Variants in RPRD1A observed in about 807,000 individuals in gnomAD.
RPRD1A encodes the protein regulation of nuclear pre-mRNA domain containing 1A.
A neutral mutation model predicts 37.8 loss-of-function variants in RPRD1A; 9 were observed. That is an observed-to-expected ratio of 0.24 (90% CI 0.14 to 0.42). The LOEUF is 0.42. Ranked by LOEUF, RPRD1A falls within the 10% of genes least tolerant of loss-of-function variation. The probability of loss-of-function intolerance (pLI) is 1.00; values close to 1 mark genes in which losing one functional copy is unlikely to be tolerated. For synonymous variants in RPRD1A, 138 were observed against 139.7 expected (o/e 0.99, Z 0.08); for missense variants, 255 against 371.0 (o/e 0.69, Z 2.57).
At chr18:36,034,279 T>C (rs945409787) in intron 1 of RPRD1A, among the ~76,000 whole-genome samples, 2 of 152,206 alleles carry the variant, frequency 1.3e-5, no homozygotes, top group African/African-American at 4.8e-5. Flanking sequence ...TTCAATCAAT[T>C]ACTATTTTTT....
chr18:36,022,264 C>G (rs1184036641), intron 6 of RPRD1A, among the ~76,000 whole-genome samples: 1 of 152,178 alleles, frequency 6.6e-6, no homozygotes. Context: ...CTTCGAAGTG[C>G]AGAGTGAAGC....
Position 36,033,720 on chromosome 18 carries a change from T to G in RPRD1A, c.269A>C (p.Lys90Thr). The change falls in exon 2 of 7, where the codon AAG becomes ACG. Residue 90 changes from lysine to threonine, a missense_variant. This residue lies in a region of RPRD1A where 211 missense variants were observed against 268.9 expected (regional missense o/e 0.78). Coordinates refer to ENST00000399022, the MANE Select transcript of RPRD1A (RefSeq NM_018170.5). ...DFAPVIVEAFKHVSSETDESC... is the reference protein window; with the variant it reads ...DFAPVIVEAFTHVSSETDESC... ...ACTATGATCATACCTTGAAACATGC[T>G]TAAAAGCCTCCACTATAACTGGTGC... The G allele has an allele frequency of 6.2e-7, 1 of 1,611,600 alleles. No individual in the cohort carries two copies. The highest frequency in any genetic ancestry group is 1.1e-5 in the South Asian group (1 of 90,710).
intron 1 of RPRD1A, among the ~76,000 whole-genome samples, chr18:36,046,067 AT>A (rs1473638368): frequency 5.3e-5 from 8 of 152,224 alleles, no homozygotes; most frequent in Non-Finnish European, 8.8e-5. Flanking sequence ...TTATGATTAT[AT>A]TAAAATTTTA....
chr18:36,043,580 C>T (rs1912750004), intron 1 of RPRD1A, among the ~76,000 whole-genome samples: 2 of 152,142 alleles, frequency 1.3e-5, no homozygotes, highest in African/African-American at 4.8e-5. Context: ...GACCATTAGA[C>T]CACCATAAAA....
intron 6 of RPRD1A, among the ~76,000 whole-genome samples, chr18:36,015,337 C>A (rs1429230773): frequency 6.6e-6 from 1 of 151,842 alleles, no homozygotes; most frequent in Non-Finnish European, 1.5e-5. Context: ...CTCAGCCTCT[C>A]AAATAGCTGG....
chr18:36,008,986 T>G (rs1047894301), intron 6 of RPRD1A, among the ~76,000 whole-genome samples: 1 of 152,112 alleles, frequency 6.6e-6, no homozygotes, highest in Admixed American at 6.5e-5. Context: ...GGACACTAAC[T>G]GGGTATGGGA....
intron 1 of RPRD1A, among the ~76,000 whole-genome samples, chr18:36,047,273 T>C (rs1456548508): frequency 6.6e-6 from 1 of 151,954 alleles, no homozygotes; most frequent in Non-Finnish European, 1.5e-5. Context: ...TTAACTAGCA[T>C]ATAAAATATG....
chr18:36,008,569 T>TATATATATATATATA (rs1555670660), intron 6 of RPRD1A, among the ~76,000 whole-genome samples: 939 of 56,020 alleles, frequency 0.017, 33 homozygotes, highest in Middle Eastern at 0.022. Flanking sequence ...CAGCAAGACC[T>TATATATATATATATA]TGTGTGTGTA....
intron 1 of RPRD1A, among the ~76,000 whole-genome samples, chr18:36,053,967 T>C (rs1296774046): frequency 1.3e-5 from 2 of 151,672 alleles, no homozygotes; most frequent in East Asian, 1.9e-4. Flanking sequence ...TTCACTGAAA[T>C]AGGAAAGGCA....
intron 6 of RPRD1A, among the ~76,000 whole-genome samples, chr18:35,999,862 T>C (rs574511798): frequency 1.3e-5 from 2 of 152,346 alleles, no homozygotes; most frequent in South Asian, 2.1e-4. Context: ...TTGCCTCTTT[T>C]AAGAAGTTAA....
chr18:36,016,474 C>A (rs1213170014), intron 6 of RPRD1A, among the ~76,000 whole-genome samples: 1 of 152,150 alleles, frequency 6.6e-6, no homozygotes, highest in African/African-American at 2.4e-5. Flanking sequence ...CCGCCCGCCT[C>A]GGCTTCCCAT....
chr18:36,023,692 G>A (rs1568127991), intron 6 of RPRD1A, among the ~76,000 whole-genome samples: 1 of 152,162 alleles, frequency 6.6e-6, no homozygotes, highest in Non-Finnish European at 1.5e-5. Flanking sequence ...AACTGCCATA[G>A]CCACATCCTT....
Position 36,031,099 on chromosome 18 carries a change from TAAAAAAAAA to T in RPRD1A, c.282-11_282-3del. 7.3e-7 allele frequency: 1 copy of T among 1,370,740 alleles called. No homozygotes were observed. The highest frequency in any genetic ancestry group is 9.4e-7 in the Non-Finnish European group (1 of 1,060,808). 84.9% of individuals were successfully genotyped at this position (1,370,740 alleles called of 1,614,324 possible). A position where few individuals can be genotyped will look rare whatever the true frequency, so the allele number is the denominator to read the frequency against. On this transcript the variant is annotated splice_polypyrimidine_tract_variant and splice_region_variant and intron_variant, in intron 2 of 6. Coordinates refer to ENST00000399022, the MANE Select transcript of RPRD1A (RefSeq NM_018170.5). ...TTCTTACAACTTTCATCAGTTTCAC[TAAAAAAAAA>T]AAAAAAGAAAAAAAGAAAAATGTTA...
At chr18:36,024,710 T>A (rs779105375) in intron 6 of RPRD1A, among the ~76,000 whole-genome samples, 2 of 152,254 alleles carry the variant, frequency 1.3e-5, no homozygotes, top group South Asian at 4.1e-4. Flanking sequence ...AGATACACAA[T>A]AGATGAAAAT....
chr18:36,033,903 C>T (rs1204863673), intron 1 of RPRD1A, 66 bp from the exon 2 acceptor site: 4 of 1,365,724 alleles, frequency 2.9e-6, no homozygotes, highest in African/African-American at 1.5e-5. Context: ...TTTCTCAATA[C>T]CTAAATTAAG....
intron 1 of RPRD1A, among the ~76,000 whole-genome samples, chr18:36,043,170 T>C (rs1184153859): frequency 8.9e-6 from 1 of 112,586 alleles, no homozygotes; most frequent in Non-Finnish European, 1.7e-5. Context: ...ACAATAACTA[T>C]ATCTTTGGGA....
intron 1 of RPRD1A, among the ~76,000 whole-genome samples, chr18:36,066,154 T>C (rs1298955029): frequency 6.6e-6 from 1 of 151,228 alleles, no homozygotes; most frequent in Non-Finnish European, 1.5e-5. Context: ...TACTTACACA[T>C]AAACTGAAAA....
At chr18:36,053,128 GCA>G (rs1913518687) in intron 1 of RPRD1A, among the ~76,000 whole-genome samples, 1 of 152,024 alleles carries the variant, frequency 6.6e-6, no homozygotes, top group Non-Finnish European at 1.5e-5. Flanking sequence ...GTATATAAAA[GCA>G]CACAGACACA....
chr18:36,055,788 G>A (rs1324388066), intron 1 of RPRD1A, among the ~76,000 whole-genome samples: 2 of 152,180 alleles, frequency 1.3e-5, no homozygotes, highest in Non-Finnish European at 2.9e-5. Flanking sequence ...ATGTCTGAGA[G>A]GGTGGATGTC....
Sources: gnomAD v4.1 joint callset for allele counts (sites outside exome capture counted in the v4.1 genomes callset) on GRCh38, gnomAD v4.1.1 for gene constraint, gnomAD v4.1.1 regional missense constraint, MANE v1.5 for transcripts, NCBI Gene and HGNC (gene_info 2026-07-23, HGNC 2026-07-21) for gene names.